Variants in ATP1A4 observed in about 807,000 individuals in gnomAD.
ATP1A4 encodes the protein ATPase Na+/K+ transporting subunit alpha 4, also known as sodium/potassium-transporting ATPase subunit alpha-4.
A neutral mutation model predicts 114.3 loss-of-function variants in ATP1A4; 90 were observed. The ratio of observed to expected loss-of-function variants is 0.79; its 90% CI spans 0.66 to 0.94. ATP1A4 has a LOEUF of 0.94. Among genes scored for constraint, ATP1A4 ranks in the 40% least tolerant of loss-of-function variants. The pLI is 0.00. For missense variants in ATP1A4, 1,222 were observed against 1,313.6 expected (o/e 0.93, Z 1.08); for synonymous variants, 511 against 494.1 (o/e 1.03, Z -0.45).
rs763330293 is a variant in ATP1A4 at position 160,164,218 on chromosome 1, C to T, written c.841C>T (p.Leu281=). Reference sequence around the variant, plus strand: ...CACAGTGATGGGCAGAATTGCCTCCCTGACGTCAGGCCTGGCGGTTGGCCA... The same window carrying T: ...CACAGTGATGGGCAGAATTGCCTCCTTGACGTCAGGCCTGGCGGTTGGCCA... The part of the protein sequence containing the change: ...DSTVMGRIAS[L]TSGLAVGQTP... The change falls in exon 7 of 22, where the codon CTG becomes TTG. Residue 281 remains leucine (L), a synonymous_variant. Transcript: ENST00000368081. 1.2e-6 allele frequency: 2 copies of T among 1,614,244 alleles called. No homozygotes were observed. Among genetic ancestry groups the T allele is most frequent in the South Asian group, 2.2e-5 (2 of 91,082 alleles).
At chr1:160,164,071 A>G (rs1288676680) in intron 6 of ATP1A4, 85 bp from the exon 7 acceptor site, 4 of 1,512,848 alleles carry the variant, frequency 2.6e-6, no homozygotes, top group East Asian at 4.5e-5. Flanking sequence ...TAGAAGCTCT[A>G]TGTCAGGAAG....
chr1:160,186,457 C>T (rs892317758), intron 21 of ATP1A4, 90 bp downstream of exon 21: 11 of 1,163,002 alleles, frequency 9.5e-6, no homozygotes, highest in Middle Eastern at 4.4e-4. Flanking sequence ...AGACCCACCA[C>T]TGACTTTCTC....
intron 1 of ATP1A4, among the ~76,000 whole-genome samples, chr1:160,152,577 G>A (rs1652495973): frequency 6.6e-6 from 1 of 152,136 alleles, no homozygotes; most frequent in African/African-American, 2.4e-5. Context: ...TATAATCATG[G>A]TATTCCCTGG....
At position 160,159,429 on chromosome 1, in the gene ATP1A4, TGGGGA is replaced by T; in HGVS notation, c.683_687del (p.Gly228ValfsTer9). The T allele has an allele frequency of 6.2e-7, 1 of 1,613,590 alleles. No individual in the cohort carries two copies. Among genetic ancestry groups the T allele is most frequent in the Non-Finnish European group, 8.5e-7 (1 of 1,179,846 alleles). On this transcript the variant is annotated frameshift_variant, in exon 6 of 22. Transcript: ENST00000368081. LOFTEE classifies it high-confidence loss of function. ...CCCAGGTGGACAACTCATCCTTGAC[TGGGGA>T]GTCAGAACCCCAGAGCCGCTCCCCT...
chr1:160,181,908 A>G, intron 19 of ATP1A4, 22 bp from the exon 20 acceptor site: 1 of 1,613,442 alleles, frequency 6.2e-7, no homozygotes, highest in Non-Finnish European at 8.5e-7. Flanking sequence ...TCCCCGCCAC[A>G]CCCATGAATG....
intron 4 of ATP1A4, among the ~76,000 whole-genome samples, chr1:160,158,543 A>AT (rs536688741): frequency 2.0e-5 from 3 of 150,568 alleles, no homozygotes; most frequent in Non-Finnish European, 3.0e-5. Flanking sequence ...CACCTGGCTA[A>AT]TTTTTTTTTC....
At chr1:160,154,476 C>A (rs1381365244) in intron 2 of ATP1A4, among the ~76,000 whole-genome samples, 4 of 151,916 alleles carry the variant, frequency 2.6e-5, no homozygotes, top group Non-Finnish European at 4.4e-5. Context: ...TTTAGGATAC[C>A]CATAACCTCA....
In ATP1A4 at chr1:160,166,802, G is replaced by A; in HGVS notation, c.1246+76G>A. On this transcript the variant is annotated intron_variant, in intron 8 of 21. Coordinates refer to ENST00000368081, the MANE Select transcript of ATP1A4 (RefSeq NM_144699.4). ...TGAGTGAGCTGAGAGAGAATGGTGA[G>A]TCCAGACAGACAGGAGGGAGCCTGA... The A allele has an allele frequency of 1.9e-6, 3 of 1,586,778 alleles. No homozygotes were observed. The Admixed American group carries it at 5.1e-5, about 27-fold the overall frequency.
chr1:160,173,756 T>G (rs748848647), intron 13 of ATP1A4, 39 bp downstream of exon 13: 6 of 1,598,528 alleles, frequency 3.8e-6, no homozygotes, highest in Non-Finnish European at 4.3e-6. Context: ...CCATGTTCCC[T>G]CCATCCCCAG....
chr1:160,171,475 G>A lies in ATP1A4; in HGVS notation c.1681+35G>A, dbSNP rs762784899. The A allele has an allele frequency of 3.1e-6, 5 of 1,608,888 alleles. No individual in the cohort carries two copies. In the African/African-American group the frequency reaches 4.0e-5, roughly 13 times the overall value. Reference sequence around the variant, plus strand: ...TTTGGGAGAAGTTTTTAAAAGAATGGCATCAAAATGGTTATTATCCCTGGG... The same window carrying A: ...TTTGGGAGAAGTTTTTAAAAGAATGACATCAAAATGGTTATTATCCCTGGG... On this transcript the variant is annotated intron_variant, in intron 11 of 21. Transcript: ENST00000368081.
intron 3 of ATP1A4, among the ~76,000 whole-genome samples, chr1:160,155,515 A>G (rs1652621579): frequency 6.6e-6 from 1 of 152,186 alleles, no homozygotes; most frequent in Admixed American, 6.5e-5. Flanking sequence ...TGTACATTAC[A>G]TAATAATGTA....
chr1:160,166,601 C>T lies in ATP1A4; in HGVS notation c.1121C>T (p.Thr374Met), dbSNP rs1188078056. The change falls in exon 8 of 22, where the codon ACG becomes ATG. Residue 374 changes from threonine (T) to methionine (M), a missense_variant. Physicochemically the swap from Thr to Met is moderately conservative, Grantham distance 81. Transcript: ENST00000368081. Reference protein sequence around the residue: ...CLVKNLEAVETLGSTSTICSD... With the variant: ...CLVKNLEAVEMLGSTSTICSD... ...GTGAAGAACCTGGAGGCGGTGGAGACGCTGGGCTCCACGTCCACCATCTGC... is the reference window on the plus strand; with the variant it reads ...GTGAAGAACCTGGAGGCGGTGGAGATGCTGGGCTCCACGTCCACCATCTGC... 8.1e-6 allele frequency: 13 copies of T among 1,614,062 alleles called. No individual in the cohort carries two copies. The highest frequency in any genetic ancestry group is 2.7e-5 in the African/African-American group (2 of 74,924).
chr1:160,166,732 T>A lies in ATP1A4; in HGVS notation c.1246+6T>A. On this transcript the variant is annotated splice_donor_region_variant and intron_variant, in intron 8 of 21. Transcript: ENST00000368081. ...CACCACTGAAGAACAGACTGGTGAC[T>A]AGTGGTATTGGTGGAACAAGAGTGG... 1 of 1,614,124 alleles carries A rather than the reference T, an allele frequency of 6.2e-7. No individual in the cohort carries two copies. Among genetic ancestry groups the A allele is most frequent in the East Asian group, 2.2e-5 (1 of 44,870 alleles).
chr1:160,185,955 C>T (rs757928722), intron 20 of ATP1A4, among the ~76,000 whole-genome samples: 2 of 150,192 alleles, frequency 1.3e-5, no homozygotes, highest in Non-Finnish European at 3.0e-5. Flanking sequence ...ATTAGCTGGG[C>T]GTGGTGGTGC....
Position 160,173,655 on chromosome 1 carries a change from C to G in ATP1A4, c.1929C>G (p.Gly643=), listed in dbSNP as rs1331788957. The part of the protein sequence containing the change: ...IAKGVGIISE[G]TETAEEVAAR... ...AGGGTGTGGGCATCATCTCAGAAGG[C>G]ACTGAGACGGCAGAGGAAGTCGCTG... The change falls in exon 13 of 22, where the codon GGC becomes GGG. Residue 643 remains glycine, a synonymous_variant. Transcript: ENST00000368081. The G allele has an allele frequency of 9.3e-6, 15 of 1,613,978 alleles. No homozygotes were observed. Among genetic ancestry groups the G allele is most frequent in the Non-Finnish European group, 1.2e-5 (14 of 1,180,014 alleles).
At chr1:160,166,262 C>T (rs1490168889) in intron 7 of ATP1A4, among the ~76,000 whole-genome samples, 1 of 152,170 alleles carries the variant, frequency 6.6e-6, no homozygotes, top group African/African-American at 2.4e-5. Flanking sequence ...CAGAGTGAGA[C>T]TCTGTCTCAA....
intron 10 of ATP1A4, 104 bp from the exon 11 acceptor site, chr1:160,171,147 G>A: frequency 1.9e-6 from 2 of 1,044,910 alleles, no homozygotes; most frequent in East Asian, 2.4e-5. Context: ...AAAGAAATGG[G>A]GGTATGAAAC....
chr1:160,166,034 C>T (rs1489135274), intron 7 of ATP1A4, among the ~76,000 whole-genome samples: 5 of 152,126 alleles, frequency 3.3e-5, no homozygotes, highest in Non-Finnish European at 7.3e-5. Context: ...CTTTGGGAGG[C>T]CAAGGCATGC....
chr1:160,159,613 G>T (rs1652799983), intron 6 of ATP1A4, 87 bp downstream of exon 6: 1 of 1,212,696 alleles, frequency 8.2e-7, no homozygotes, highest in African/African-American at 1.5e-5. Context: ...AGGTAGCGAG[G>T]TAGGTAAGAG....
Sources: gnomAD v4.1 joint callset for allele counts (sites outside exome capture counted in the v4.1 genomes callset) on GRCh38, gnomAD v4.1.1 for gene constraint, MANE v1.5 for transcripts, NCBI Gene and HGNC (gene_info 2026-07-23, HGNC 2026-07-21) for gene names.